Variants in BBS9 observed in about 807,000 individuals in gnomAD.
BBS9 encodes protein PTHB1.
Under a neutral mutation model 117.7 loss-of-function variants are expected in BBS9, and 89 were observed. The ratio of observed to expected loss-of-function variants is 0.76; its 90% CI spans 0.64 to 0.90. The LOEUF (loss-of-function observed/expected upper bound fraction) is 0.90. Ranked by LOEUF, BBS9 falls within the 40% of genes least tolerant of loss-of-function variation. The pLI is 0.00. For missense variants in BBS9, 982 were observed against 1,042.2 expected, an observed-to-expected ratio of 0.94 and a Z score of 0.80; for synonymous variants, 379 against 370.9, an observed-to-expected ratio of 1.02 and a Z score of -0.25.
chr7:33,370,436 C>T (rs747690293), intron 17 of BBS9, among the ~76,000 whole-genome samples: 23 of 152,054 alleles, frequency 1.5e-4, no homozygotes, highest in Non-Finnish European at 2.9e-4. Context: ...CACTACTGCA[C>T]TCCAACCTGC....
rs1417842414 is a variant in BBS9 at position 33,234,675 on chromosome 7, A to G, written c.443-22561A>G. ...TCTATCTATATATCTATATCTTTTT[A>G]TCTATCTCCATCCCTCCATCTATCC... On this transcript the variant is annotated intron_variant, in intron 5 of 22. Coordinates refer to ENST00000242067, the MANE Select transcript of BBS9 (RefSeq NM_198428.3). 3.3e-5 allele frequency among the ~76,000 whole-genome samples: 5 copies of G among 151,348 alleles called. No individual in the cohort carries two copies. In the South Asian group the frequency reaches 8.4e-4, roughly 26 times the overall value.
At chr7:33,254,981 C>G (rs961641165) in intron 5 of BBS9, among the ~76,000 whole-genome samples, 1 of 151,894 alleles carries the variant, frequency 6.6e-6, no homozygotes, top group Non-Finnish European at 1.5e-5. Context: ...CTATTTTAGT[C>G]CTTTGCCCAT....
At chr7:33,560,783 CA>C (rs531258097) in intron 21 of BBS9, among the ~76,000 whole-genome samples, 20 of 152,292 alleles carry the variant, frequency 1.3e-4, no homozygotes, top group African/African-American at 4.8e-4. Context: ...ACAGCCCTCT[CA>C]ATTATGTGTT....
Position 33,399,746 on chromosome 7 carries a change from A to T in BBS9, c.2115+11602A>T, listed in dbSNP as rs527312406. Among the ~76,000 whole-genome samples the T allele has an allele frequency of 2.0e-3, 298 of 152,274 alleles. 3 individuals are homozygous for T. Among genetic ancestry groups the T allele is most frequent in the Middle Eastern group, 0.017 (5 of 292 alleles). On this transcript the variant is annotated intron_variant, in intron 19 of 22. Transcript: ENST00000242067. ...GTTGCCCAGTCAGCATTTGTTAGGT[A>T]TACTGTAATGACAATGATGTAAGTT...
At chr7:33,156,813 G>C (rs1226712074) in intron 4 of BBS9, among the ~76,000 whole-genome samples, 1 of 151,988 alleles carries the variant, frequency 6.6e-6, no homozygotes, top group Non-Finnish European at 1.5e-5. Context: ...TCAGAGGCCT[G>C]ATAAAGTGTG....
intron 21 of BBS9, among the ~76,000 whole-genome samples, chr7:33,568,205 A>C (rs192198601): frequency 6.6e-6 from 1 of 152,208 alleles, no homozygotes; most frequent in East Asian, 1.9e-4. Flanking sequence ...CCAGTGCATG[A>C]CATGGATTTT....
At chr7:33,517,970 A>T (rs1372116799) in intron 20 of BBS9, among the ~76,000 whole-genome samples, 1 of 152,204 alleles carries the variant, frequency 6.6e-6, no homozygotes. Flanking sequence ...TGGCACATTT[A>T]ATCAACTCAT....
In BBS9 at chr7:33,516,079, A is replaced by G. The variant is rs375865975; in HGVS notation, c.2298+10434A>G. Among the ~76,000 whole-genome samples the G allele has an allele frequency of 3.9e-5, 6 of 152,364 alleles. No homozygotes were observed. The East Asian group carries it at 1.2e-3, about 29-fold the overall frequency. On this transcript the variant is annotated intron_variant, in intron 20 of 22. Transcript: ENST00000242067. ...TGAACTGCTAAGATAAAGGCTGTACATGCTCAGGCAATGAAAACTATAGCA... is the reference window on the plus strand; with the variant it reads ...TGAACTGCTAAGATAAAGGCTGTACGTGCTCAGGCAATGAAAACTATAGCA...
chr7:33,590,245 G>A (rs1861614778), intron 21 of BBS9, among the ~76,000 whole-genome samples: 2 of 152,040 alleles, frequency 1.3e-5, no homozygotes, highest in South Asian at 2.1e-4. Context: ...GTTGTAAAGA[G>A]CATATATAGA....
intron 20 of BBS9, among the ~76,000 whole-genome samples, chr7:33,521,399 T>C (rs1452182576): frequency 1.3e-5 from 2 of 152,188 alleles, no homozygotes; most frequent in Non-Finnish European, 1.5e-5. Flanking sequence ...TTCCACAAAA[T>C]GGTGTGGATA....
chr7:33,569,969 C>A (rs1857523861), intron 21 of BBS9, among the ~76,000 whole-genome samples: 1 of 152,066 alleles, frequency 6.6e-6, no homozygotes, highest in Non-Finnish European at 1.5e-5. Flanking sequence ...TAAAAATAAC[C>A]AGGCTGATTA....
chr7:33,351,185 T>A (rs757325818), intron 13 of BBS9, 34 bp from the exon 14 acceptor site: 1 of 1,433,336 alleles, frequency 7.0e-7, no homozygotes, highest in East Asian at 2.3e-5. Context: ...TGCCCCAAAT[T>A]ATGTAATTTA....
At chr7:33,255,101 T>C (rs1364398555) in intron 5 of BBS9, among the ~76,000 whole-genome samples, 1 of 152,178 alleles carries the variant, frequency 6.6e-6, no homozygotes, top group African/African-American at 2.4e-5. Context: ...TCTCCCATTA[T>C]GTGTTTTTTT....
chr7:33,295,283 T>C (rs905154267), intron 9 of BBS9, among the ~76,000 whole-genome samples: 9 of 152,148 alleles, frequency 5.9e-5, no homozygotes, highest in African/African-American at 2.2e-4. Flanking sequence ...ATGGTATTTA[T>C]ACACAATTTT....
At chr7:33,431,824 T>A (rs1834518283) in intron 19 of BBS9, among the ~76,000 whole-genome samples, 1 of 152,174 alleles carries the variant, frequency 6.6e-6, no homozygotes, top group African/African-American at 2.4e-5. Context: ...TGATGTGTGG[T>A]CGACATAATA....
At chr7:33,214,227 G>A (rs1788608075) in intron 5 of BBS9, among the ~76,000 whole-genome samples, 1 of 152,138 alleles carries the variant, frequency 6.6e-6, no homozygotes, top group African/African-American at 2.4e-5. Flanking sequence ...CATGAGTGCT[G>A]GCTTAGCCCA....
At chr7:33,314,387 C>G (rs1810008918) in intron 9 of BBS9, 4 of 335,310 alleles carry the variant, frequency 1.2e-5, no homozygotes, top group Non-Finnish European at 1.8e-5. Flanking sequence ...AAGCTCAGTG[C>G]TAGATTAGAG....
chr7:33,458,225 G>C (rs528644828), intron 19 of BBS9, among the ~76,000 whole-genome samples: 1 of 152,260 alleles, frequency 6.6e-6, no homozygotes, highest in South Asian at 2.1e-4. Flanking sequence ...TCCGAGGAAA[G>C]GCTGAATGGA....
At chr7:33,571,031 G>A (rs1453786241) in intron 21 of BBS9, among the ~76,000 whole-genome samples, 3 of 152,130 alleles carry the variant, frequency 2.0e-5, no homozygotes, top group Admixed American at 2.0e-4. Flanking sequence ...AAGTCTGTCA[G>A]CTAACTAGCT....
Sources: gnomAD v4.1 joint callset for allele counts (sites outside exome capture counted in the v4.1 genomes callset) on GRCh38, gnomAD v4.1.1 for gene constraint, MANE v1.5 for transcripts, NCBI Gene and HGNC (gene_info 2026-07-23, HGNC 2026-07-21) for gene names.